The following PTPRD variants were observed in gnomAD, a reference collection of about 807,000 sequenced individuals.
PTPRD encodes the protein protein tyrosine phosphatase receptor type D.
PTPRD carries 34 observed loss-of-function variants against 214.5 expected under a neutral mutation model. The observed-to-expected ratio is 0.16, with a 90% confidence interval of 0.12 to 0.21. PTPRD has a LOEUF of 0.21. Ranked by LOEUF, PTPRD falls within the 10% of genes least tolerant of loss-of-function variation. PTPRD has a pLI of 1.00. For missense variants in PTPRD, 2,545 were observed against 2,398.7 expected (o/e 1.06, Z -1.27); for synonymous variants, 1,128 against 845.7 (o/e 1.33, Z -5.79).
rs1231397604 is a variant in PTPRD, at chr9:8,733,832, T to C, written c.12A>G (p.Val4=). The change falls in exon 12 of 46, where the codon GTA becomes GTG. Residue 4 remains valine (V), a synonymous_variant. Coordinates refer to ENST00000381196, the MANE Select transcript of PTPRD (RefSeq NM_002839.4). ...TGAGGAGCAGCAGCAGCAGCCTGGC[T>C]ACGTGCACCATCCTGCAGCTTGGCA... MVH[V]ARLLLLLLTF... is the part of the protein sequence containing the mutation. The C allele has an allele frequency of 8.4e-6, 13 of 1,551,916 alleles. No homozygotes were observed. The highest frequency in any genetic ancestry group is 2.0e-5 in the Admixed American group (1 of 51,100).
chr9:9,710,885 G>A (rs879297773), intron 7 of PTPRD, among the ~76,000 whole-genome samples: 10 of 152,060 alleles, frequency 6.6e-5, no homozygotes, highest in Non-Finnish European at 1.3e-4. Flanking sequence ...TCCAGCCAGG[G>A]CCGTGATTTG....
At chr9:9,920,502 G>A (rs1362006703) in intron 5 of PTPRD, among the ~76,000 whole-genome samples, 5 of 152,086 alleles carry the variant, frequency 3.3e-5, no homozygotes, top group Non-Finnish European at 7.4e-5. Flanking sequence ...AAATGATGGA[G>A]GGCAAATTGT....
intron 5 of PTPRD, among the ~76,000 whole-genome samples, chr9:9,910,154 A>T (rs929296886): frequency 6.6e-6 from 1 of 151,974 alleles, no homozygotes; most frequent in Non-Finnish European, 1.5e-5. Flanking sequence ...CTCAGTTACC[A>T]GGATTAAATA....
At chr9:10,424,444 A>G (rs1452618458) in intron 2 of PTPRD, among the ~76,000 whole-genome samples, 3 of 151,792 alleles carry the variant, frequency 2.0e-5, no homozygotes, top group Non-Finnish European at 4.4e-5. Context: ...GCAATGGTCT[A>G]TCATAGAAAT....
At chr9:9,835,657 A>G (rs2056537600) in intron 5 of PTPRD, among the ~76,000 whole-genome samples, 1 of 152,120 alleles carries the variant, frequency 6.6e-6, no homozygotes, top group Non-Finnish European at 1.5e-5. Context: ...AAAATACCTA[A>G]TGACAGGACA....
chr9:8,429,117 T>C (rs958641366), intron 35 of PTPRD, among the ~76,000 whole-genome samples: 5 of 152,226 alleles, frequency 3.3e-5, no homozygotes, highest in African/African-American at 9.6e-5. Flanking sequence ...TTGGTAACTA[T>C]GACATTTTCA....
intron 4 of PTPRD, among the ~76,000 whole-genome samples, chr9:10,031,491 G>T (rs1223914073): frequency 6.6e-6 from 1 of 151,426 alleles, no homozygotes; most frequent in Non-Finnish European, 1.5e-5. Flanking sequence ...AGTGCTGGAT[G>T]CTTCCTGCCC....
chr9:9,545,921 A>G (rs1026759655), intron 8 of PTPRD, among the ~76,000 whole-genome samples: 5 of 151,798 alleles, frequency 3.3e-5, no homozygotes, highest in Admixed American at 6.6e-5. Flanking sequence ...CTTCCTATTT[A>G]TAAGTATGGA....
intron 12 of PTPRD, among the ~76,000 whole-genome samples, chr9:8,691,006 T>A (rs1238804512): frequency 6.6e-6 from 1 of 152,160 alleles, no homozygotes; most frequent in Non-Finnish European, 1.5e-5. Context: ...AGTAAGCCTC[T>A]GAGAACATGT....
intron 44 of PTPRD, among the ~76,000 whole-genome samples, chr9:8,321,775 C>G (rs928171878): frequency 6.6e-6 from 1 of 151,218 alleles, no homozygotes; most frequent in Non-Finnish European, 1.5e-5. Context: ...TAATTCAATC[C>G]CAATATATAC....
intron 8 of PTPRD, among the ~76,000 whole-genome samples, chr9:9,551,454 A>T (rs968192252): frequency 6.6e-6 from 1 of 151,952 alleles, no homozygotes; most frequent in Non-Finnish European, 1.5e-5. Context: ...CAAGTCTTTT[A>T]TTCTATACAT....
At chr9:8,435,318 G>A (rs994590140) in intron 35 of PTPRD, among the ~76,000 whole-genome samples, 43 of 152,214 alleles carry the variant, frequency 2.8e-4, no homozygotes, top group African/African-American at 1.0e-3. Flanking sequence ...GAGGTTGGGG[G>A]TCCTCTTAGA....
chr9:9,414,636 T>A (rs191019878), intron 8 of PTPRD: 25 of 152,272 alleles, frequency 1.6e-4, no homozygotes, highest in African/African-American at 6.0e-4. Context: ...TGTTGCAAGA[T>A]TAGAACCATC....
intron 8 of PTPRD, among the ~76,000 whole-genome samples, chr9:9,502,121 T>G (rs2096437550): frequency 6.6e-6 from 1 of 151,916 alleles, no homozygotes; most frequent in Non-Finnish European, 1.5e-5. Flanking sequence ...CATCATTTTT[T>G]GTTATATGAA....
chr9:9,188,523 G>A (rs1255372468), intron 9 of PTPRD, among the ~76,000 whole-genome samples: 1 of 152,042 alleles, frequency 6.6e-6, no homozygotes, highest in Non-Finnish European at 1.5e-5. Context: ...CCAATAGTTG[G>A]TAGAAGTTAT....
At chr9:8,926,854 T>C (rs1459768423) in intron 11 of PTPRD, among the ~76,000 whole-genome samples, 1 of 152,234 alleles carries the variant, frequency 6.6e-6, no homozygotes, top group Non-Finnish European at 1.5e-5. Flanking sequence ...TATTCAAATC[T>C]TCCCTTTCTT....
intron 9 of PTPRD, among the ~76,000 whole-genome samples, chr9:9,238,916 G>T (rs182820754): frequency 1.8e-4 from 28 of 152,126 alleles, no homozygotes; most frequent in Admixed American, 3.3e-4. Context: ...GACCCTCTGC[G>T]TACTTCCCTA....
chr9:8,919,840 G>GTGCATGTATCATGCATACAGAGATGTACA (rs2098813396), intron 11 of PTPRD, among the ~76,000 whole-genome samples: 1 of 144,968 alleles, frequency 6.9e-6, no homozygotes, highest in Non-Finnish European at 1.5e-5. Context: ...GCATACATAC[G>GTGCATGTATCATGCATACAGAGATGTACA]TGCATGTATC....
At chr9:8,549,322 G>C (rs533598613) in intron 14 of PTPRD, among the ~76,000 whole-genome samples, 137 of 152,210 alleles carry the variant, frequency 9.0e-4, no homozygotes, top group African/African-American at 3.1e-3. Flanking sequence ...AATGATGGTA[G>C]GTCAGCAGGC....
Sources: gnomAD v4.1 joint callset for allele counts (sites outside exome capture counted in the v4.1 genomes callset) on GRCh38, gnomAD v4.1.1 for gene constraint, MANE v1.5 for transcripts, NCBI Gene and HGNC (gene_info 2026-07-23, HGNC 2026-07-21) for gene names.